Variants in PLEC observed in about 807,000 individuals in gnomAD.
PLEC encodes hemidesmosomal protein 1.
In PLEC, 216 loss-of-function variants were observed where a neutral mutation model predicts 392.8. The ratio of observed to expected loss-of-function variants is 0.55; its 90% confidence interval spans 0.49 to 0.62. The LOEUF (loss-of-function observed/expected upper bound fraction) is 0.62. Ranked by LOEUF, PLEC falls within the 20% of genes least tolerant of loss-of-function variation. The probability of loss-of-function intolerance (pLI) is 0.00; values close to 1 mark genes in which losing one functional copy is unlikely to be tolerated. For synonymous variants in PLEC, 3,621 were observed against 2,980.6 expected, an observed-to-expected ratio of 1.21 and a Z score of -7.00; for missense variants, 6,863 against 6,563.4, an observed-to-expected ratio of 1.05 and a Z score of -1.58.
intron 18 of PLEC, 62 bp downstream of exon 18, chr8:143,931,875 G>T (rs1261317286): frequency 3.4e-6 from 5 of 1,483,360 alleles, no homozygotes; most frequent in Middle Eastern, 2.3e-4. Context: ...CTGCCGAGGG[G>T]GTCCAGGGGC....
chr8:143,924,485 C>A lies in PLEC; in HGVS notation c.5444G>T (p.Arg1815Leu), dbSNP rs782213742. 16 of 1,543,544 alleles carry A rather than the reference C, an allele frequency of 1.0e-5. No individual in the cohort carries two copies. The Admixed American group carries it at 1.3e-4, about 13-fold the overall frequency. ...GTCTTCCTCGGCCAGCTGCCGCTGCCGCTTGGCCTCTTCCGCCAGGGCACG... is the reference window on the plus strand; with the variant it reads ...GTCTTCCTCGGCCAGCTGCCGCTGCAGCTTGGCCTCTTCCGCCAGGGCACG... Reference protein sequence around the residue: ...RLRALAEEAKRQRQLAEEDAA... With the variant: ...RLRALAEEAKLQRQLAEEDAA... The change falls in exon 31 of 32, where the codon CGG (arginine) becomes CTG (leucine). Residue 1815 changes from arginine to leucine, a missense_variant. Coordinates refer to ENST00000345136, the MANE Select transcript of PLEC (RefSeq NM_201384.3).
rs782506688 is a variant in PLEC, at chr8:143,923,685, C to T, written c.6244G>A (p.Glu2082Lys). The T allele has an allele frequency of 1.8e-5, 28 of 1,547,126 alleles. No individual in the cohort carries two copies. Among genetic ancestry groups the T allele is most frequent in the East Asian group, 7.3e-5 (3 of 41,348 alleles). Residue 2082 changes from glutamate (E) to lysine (K), a missense_variant, in exon 31 of 32, where the codon GAG becomes AAG. Physicochemically the swap from Glu to Lys is moderately conservative, Grantham distance 56 (BLOSUM62 1). Coordinates refer to ENST00000345136, the MANE Select transcript of PLEC (RefSeq NM_201384.3). Reference sequence around the variant, plus strand: ...GCCGCCCGCCGGGCCGCCTCCGCCTCGCCGCGCAGCTGGTCCAGCACGCTC... The same window carrying T: ...GCCGCCCGCCGGGCCGCCTCCGCCTTGCCGCGCAGCTGGTCCAGCACGCTC... ...EQSVLDQLRG[E>K]AEAARRAAEE...
At chr8:143,935,643 C>T (rs968589491) in intron 6 of PLEC, among the ~76,000 whole-genome samples, 1 of 152,164 alleles carries the variant, frequency 6.6e-6, no homozygotes, top group African/African-American at 2.4e-5. Context: ...CCCGCGGGCC[C>T]TCCAGTCTTG....
Position 143,961,065 on chromosome 8 carries a change from C to T in PLEC, c.70+12338G>A, listed in dbSNP as rs570992909. 3.3e-5 allele frequency among the ~76,000 whole-genome samples: 5 copies of T among 152,334 alleles called. No homozygotes were observed. In the East Asian group the frequency reaches 5.8e-4, roughly 18 times the overall value. Reference sequence around the variant, plus strand: ...CCATCGTCTGCTCGGACACACACTGCGCGTTTGTGGCTCTGACAGACGCTT... The same window carrying T: ...CCATCGTCTGCTCGGACACACACTGTGCGTTTGTGGCTCTGACAGACGCTT... On this transcript the variant is annotated intron_variant, in intron 1 of 31. Coordinates refer to the PLEC transcript ENST00000356346.
In PLEC at chr8:143,919,514, T is replaced by G; in HGVS notation, c.10307A>C (p.Tyr3436Ser). The G allele has an allele frequency of 6.2e-7, 1 of 1,612,470 alleles. No homozygotes were observed. Among genetic ancestry groups the G allele is most frequent in the Non-Finnish European group, 8.5e-7 (1 of 1,179,786 alleles). ...LLSAEKAVTGYRDPYSGSTIS... is the reference protein window; with the variant it reads ...LLSAEKAVTGSRDPYSGSTIS... ...GGTGCTGCCCGAGTAGGGGTCTCTG[T>G]AGCCGGTGACGGCCTTCTCGGCAGA... Residue 3436 changes from tyrosine to serine, a missense_variant, in exon 32 of 32, where the codon TAC (tyrosine) becomes TCC (serine). Coordinates refer to ENST00000345136, the MANE Select transcript of PLEC (RefSeq NM_201384.3).
rs782480281 is a variant in PLEC at position 143,916,963 on chromosome 8, C to T, written c.12858G>A (p.Thr4286=). The T allele has an allele frequency of 1.9e-5, 31 of 1,612,752 alleles. No individual in the cohort carries two copies. Among genetic ancestry groups the T allele is most frequent in the South Asian group, 5.5e-5 (5 of 91,084 alleles). ...TGATGGACACCTTCTCCAGCGTCTC[C>T]GTGTCCAGGATGCCAGCCACGGGGC... ...ETGPVAGILD[T]ETLEKVSITE... is the part of the protein sequence containing the mutation. The change falls in exon 32 of 32, where the codon ACG becomes ACA. Residue 4286 remains threonine (T), a synonymous_variant. Transcript: ENST00000345136.
At position 143,922,149 on chromosome 8, in the gene PLEC, G is replaced by A. The variant is rs961518883; in HGVS notation, c.7672C>T (p.Arg2558Trp). ...LVASMEEARR[R>W]QHEAEEGVRR... ...ACGCCCTCCTCGGCCTCATGCTGCCGCCGCCGCGCCTCCTCCATGCTGGCC... is the reference window on the plus strand; with the variant it reads ...ACGCCCTCCTCGGCCTCATGCTGCCACCGCCGCGCCTCCTCCATGCTGGCC... Residue 2558 changes from arginine to tryptophan, a missense_variant, in exon 32 of 32, where the codon CGG becomes TGG. Coordinates refer to ENST00000345136, the MANE Select transcript of PLEC (RefSeq NM_201384.3). 3.8e-5 allele frequency: 59 copies of A among 1,539,354 alleles called. No individual in the cohort carries two copies. The highest frequency in any genetic ancestry group is 5.5e-5 in the African/African-American group (4 of 73,208).
In PLEC at chr8:143,924,401, C is replaced by A; in HGVS notation, c.5528G>T (p.Gly1843Val). 1 of 1,593,852 alleles carries A rather than the reference C, an allele frequency of 6.3e-7. No individual in the cohort carries two copies. The highest frequency in any genetic ancestry group is 8.5e-7 in the Non-Finnish European group (1 of 1,177,420). ...RVLAEKLAAI[G>V]EATRLKTEAE... ...CTCCGTCTTGAGCCGCGTGGCCTCG[C>A]CGATGGCGGCCAGCTTCTCCGCAAG... is the stretch of plus-strand genomic sequence containing the variant. The change falls in exon 31 of 32, where the codon GGC (glycine) becomes GTC (valine). Residue 1843 changes from glycine (G) to valine (V), a missense_variant. Coordinates refer to ENST00000345136, the MANE Select transcript of PLEC (RefSeq NM_201384.3).
rs181359993 is a variant in PLEC at position 143,938,136 on chromosome 8, C to G, written c.264+15G>C. On this transcript the variant is annotated intron_variant, in intron 3 of 31. Transcript: ENST00000345136. ...TGGGGCAGGCGGGGCCCGGAGGGGG[C>G]AGGGGCACACGTACCAGGCTGTCCC... The G allele has an allele frequency of 7.5e-6, 12 of 1,590,094 alleles. No individual in the cohort carries two copies. Among genetic ancestry groups the G allele is most frequent in the Non-Finnish European group, 9.4e-6 (11 of 1,168,580 alleles).
In PLEC at chr8:143,925,344, G is replaced by A. The variant is rs781877289; in HGVS notation, c.4585C>T (p.Arg1529Cys). ...SRVKAEAEAA[R>C]EKQRALQALE... ...GCCTGCAGGGCCCGCTGCTTCTCGC[G>A]CGCCGCCTCGGCCTCGGCCTTCACG... The change falls in exon 31 of 32, where the codon CGC (arginine) becomes TGC (cysteine). Residue 1529 changes from arginine (R) to cysteine (C), a missense_variant. Coordinates refer to ENST00000345136, the MANE Select transcript of PLEC (RefSeq NM_201384.3). 2.4e-5 allele frequency: 37 copies of A among 1,550,994 alleles called. No individual in the cohort carries two copies. The highest frequency in any genetic ancestry group is 4.1e-5 in the African/African-American group (3 of 73,312).
rs782594364 is a variant in PLEC at position 143,916,964 on chromosome 8, G to A, written c.12857C>T (p.Thr4286Met). 27 of 1,612,774 alleles carry A rather than the reference G, an allele frequency of 1.7e-5. No individual in the cohort carries two copies. Among genetic ancestry groups the A allele is most frequent in the Middle Eastern group, 3.3e-4 (2 of 6,084 alleles). Residue 4286 changes from threonine to methionine, a missense_variant, in exon 32 of 32, where the codon ACG (threonine) becomes ATG (methionine). By Grantham distance (81) the Thr-to-Met change is moderately conservative. Coordinates refer to ENST00000345136, the MANE Select transcript of PLEC (RefSeq NM_201384.3). ...GATGGACACCTTCTCCAGCGTCTCC[G>A]TGTCCAGGATGCCAGCCACGGGGCC... ...ETGPVAGILD[T>M]ETLEKVSITE...
chr8:143,929,408 C>T lies in PLEC; in HGVS notation c.3081+6G>A, dbSNP rs781891922. The T allele has an allele frequency of 3.8e-6, 6 of 1,561,818 alleles. No individual in the cohort carries two copies. The Admixed American group carries it at 7.6e-5, about 20-fold the overall frequency. On this transcript the variant is annotated splice_donor_region_variant and intron_variant, in intron 24 of 31. Transcript: ENST00000345136. Reference sequence around the variant, plus strand: ...ATGGGACTGGATGGGGGGGGACGGCCCCTGCCTGCTGCTCGGCGATGCGCT... The same window carrying T: ...ATGGGACTGGATGGGGGGGGACGGCTCCTGCCTGCTGCTCGGCGATGCGCT...
chr8:143,941,177 C>A (rs1191853843), upstream of PLEC, among the ~76,000 whole-genome samples: 2 of 152,206 alleles, frequency 1.3e-5, no homozygotes, highest in Non-Finnish European at 2.9e-5. Flanking sequence ...TGGGTATGGG[C>A]TCTGGGGGCC....
rs201054298 is a variant in PLEC at position 143,923,170 on chromosome 8, T to C, written c.6759A>G (p.Ala2253=). 2.9e-5 allele frequency: 46 copies of C among 1,602,284 alleles called. No individual in the cohort carries two copies. The highest frequency in any genetic ancestry group is 3.4e-5 in the Non-Finnish European group (40 of 1,179,840). Residue 2253 remains alanine (A), a synonymous_variant, in exon 31 of 32, where the codon GCA becomes GCG. Coordinates refer to ENST00000345136, the MANE Select transcript of PLEC (RefSeq NM_201384.3). ...LKARIEAENR[A]LILRDKDNTQ... is the part of the protein sequence containing the mutation. ...TATTGTCCTTGTCACGCAAGATGAG[T>C]GCGCGGTTCTCAGCCTCGATGCGTG...
At chr8:143,953,859 G>A (rs139918180), upstream of PLEC, 1,885 of 1,567,224 alleles carry the variant, frequency 1.2e-3, 1 homozygote, top group Non-Finnish European at 1.5e-3. Context: ...CGCAGCCGGG[G>A]GAGGAGCCCG....
chr8:143,965,584 C>T (rs545331849), intron 1 of PLEC, among the ~76,000 whole-genome samples: 1 of 152,318 alleles, frequency 6.6e-6, no homozygotes, highest in East Asian at 1.9e-4. Flanking sequence ...GCACCTGGTC[C>T]CACTAGCATC....
At chr8:143,942,644 CA>C (rs1292853046), upstream of PLEC, 29 of 1,176,384 alleles carry the variant, frequency 2.5e-5, no homozygotes, top group East Asian at 7.6e-4. Context: ...ACCTCCCCCC[CA>C]CAATCCGCCC....
intron 10 of PLEC, 70 bp from the exon 11 acceptor site, chr8:143,934,515 C>G (rs1554720945): frequency 1.2e-5 from 20 of 1,603,656 alleles, no homozygotes; most frequent in Non-Finnish European, 9.4e-6. Flanking sequence ...CCTTCAGACC[C>G]CAGCCCACCA....
Position 143,924,551 on chromosome 8 carries a change from G to C in PLEC, c.5378C>G (p.Ala1793Gly). 4 of 1,543,938 alleles carry C rather than the reference G, an allele frequency of 2.6e-6. No individual in the cohort carries two copies. The highest frequency in any genetic ancestry group is 3.5e-6 in the Non-Finnish European group (4 of 1,151,954). The stretch of plus-strand genomic sequence containing the variant: ...CTCGGCCAGCTCGCGGAACCGGCCG[G>C]CCTCGGCCTCCAGCCTCTGCTTGGA... ...EKSKQRLEAE[A>G]GRFRELAEEA... Residue 1793 changes from alanine (A) to glycine (G), a missense_variant, in exon 31 of 32, where the codon GCC (alanine) becomes GGC (glycine). Coordinates refer to ENST00000345136, the MANE Select transcript of PLEC (RefSeq NM_201384.3).
Sources: allele counts gnomAD v4.1 joint callset (sites outside exome capture counted in the v4.1 genomes callset), GRCh38; gene constraint gnomAD v4.1.1; transcripts MANE v1.5; gene names NCBI Gene and HGNC (gene_info 2026-07-23, HGNC 2026-07-21).